The following SLCO6A1 variants were observed in gnomAD, a reference collection of about 807,000 sequenced individuals.
SLCO6A1 encodes solute carrier organic anion transporter family member 6A1, also known as cancer/testis antigen 48.
Under a neutral mutation model 72.7 loss-of-function variants are expected in SLCO6A1, and 65 were observed. That is an observed-to-expected ratio of 0.89 (90% CI 0.73 to 1.10). The LOEUF is 1.10. Ranked by LOEUF, SLCO6A1 falls within the 50% of genes least tolerant of loss-of-function variation. SLCO6A1 has a pLI of 0.00. For synonymous variants in SLCO6A1, 314 were observed against 298.2 expected (o/e 1.05, Z -0.55); for missense variants, 874 against 872.6 (o/e 1.00, Z -0.02).
rs552954781 is a variant in SLCO6A1, at chr5:102,425,963, T to C, written c.1277-5942A>G. Among the ~76,000 whole-genome samples the C allele has an allele frequency of 2.1e-3, 317 of 151,164 alleles. 4 individuals are homozygous for C. The highest frequency in any genetic ancestry group is 1.6e-3 in the Non-Finnish European group (109 of 67,356). On this transcript the variant is annotated intron_variant, in intron 7 of 13. Coordinates refer to ENST00000506729, the MANE Select transcript of SLCO6A1 (RefSeq NM_173488.5). ...AGAACACAGCCCTCAGAAATAATGC[T>C]GTGTATCTACAACTATCTGATCTTT...
chr5:102,414,192 G>GT (rs1395615763), intron 8 of SLCO6A1, among the ~76,000 whole-genome samples: 1 of 151,984 alleles, frequency 6.6e-6, no homozygotes, highest in Non-Finnish European at 1.5e-5. Context: ...TATTTTTGGA[G>GT]TTTTATATTT....
chr5:102,414,697 C>T lies in SLCO6A1; in HGVS notation c.1473-1554G>A, dbSNP rs1370110525. On this transcript the variant is annotated intron_variant, in intron 8 of 13. Transcript: ENST00000506729. ...TTGTCTGAGCTCAGGAGTTTCCGAC[C>T]GGCCTGGGCAACACAGTGAAACCCC... is the stretch of plus-strand genomic sequence containing the variant. Among the ~76,000 whole-genome samples the T allele has an allele frequency of 7.9e-5, 12 of 152,136 alleles. 1 individual carries two copies. In the East Asian group the frequency reaches 1.2e-3, roughly 15 times the overall value.
intron 1 of SLCO6A1, among the ~76,000 whole-genome samples, chr5:102,491,490 G>C (rs1407505203): frequency 1.3e-5 from 2 of 152,206 alleles, no homozygotes; most frequent in Non-Finnish European, 2.9e-5. Flanking sequence ...CACGGAGGTG[G>C]GGGAGGCTCA....
At position 102,480,275 on chromosome 5, in the gene SLCO6A1, C is replaced by T; in HGVS notation, c.518G>A (p.Trp173Ter). Residue 173 changes from tryptophan to a stop codon, truncating the protein, a stop_gained, in exon 2 of 14, where the codon TGG becomes TAG. Transcript: ENST00000506729. LOFTEE classifies it high-confidence loss of function. ...AFYGDRKKVIWFVASSFLIGL... is the reference protein window; with the variant it reads ...AFYGDRKKVI ...TATTAAAAAGGAGGAAGCTACAAAC[C>T]ATATTACTTTTTTTCTGTCTCCATA... The T allele has an allele frequency of 6.2e-7, 1 of 1,613,246 alleles. No individual in the cohort carries two copies. The highest frequency in any genetic ancestry group is 1.3e-5 in the African/African-American group (1 of 74,982).
intron 12 of SLCO6A1, among the ~76,000 whole-genome samples, chr5:102,386,596 G>A (rs78967500): frequency 6.6e-6 from 1 of 152,040 alleles, no homozygotes; most frequent in African/African-American, 2.4e-5. Flanking sequence ...TATCAGCCTG[G>A]TGCCTCAGGC....
At chr5:102,375,020 CTG>C (rs1216806712) in intron 12 of SLCO6A1, among the ~76,000 whole-genome samples, 2 of 152,092 alleles carry the variant, frequency 1.3e-5, no homozygotes, top group East Asian at 3.9e-4. Flanking sequence ...AGCTTTTTCT[CTG>C]TGGTTATTTT....
intron 12 of SLCO6A1, among the ~76,000 whole-genome samples, chr5:102,382,494 A>AT (rs113699697): frequency 4.1e-4 from 60 of 147,974 alleles, no homozygotes; most frequent in Middle Eastern, 7.2e-3. Context: ...AAATTTTAGG[A>AT]TTTTTTTTTT....
chr5:102,402,591 C>T (rs553240994), intron 9 of SLCO6A1, among the ~76,000 whole-genome samples: 48 of 152,178 alleles, frequency 3.2e-4, no homozygotes, highest in African/African-American at 9.6e-4. Flanking sequence ...TAGTGAGGGC[C>T]TTTATGCTGC....
rs182381825 is a variant in SLCO6A1 at position 102,388,739 on chromosome 5, G to A, written c.1966C>T (p.Arg656Cys). ...RDVNKCGHTG[R>C]CWIYNKTKMA... ...TTTGTCTTGTTATATATCCAACAAC[G>A]TCCTGTGTGTCCACATTTATTAACA... Residue 656 changes from arginine (R) to cysteine (C), a missense_variant, in exon 12 of 14, where the codon CGT becomes TGT. Physicochemically the swap from Arg to Cys is radical, Grantham distance 180 (BLOSUM62 -3). Transcript: ENST00000506729. The A allele has an allele frequency of 2.6e-5, 41 of 1,604,648 alleles. No homozygotes were observed. The highest frequency in any genetic ancestry group is 1.7e-4 in the Middle Eastern group (1 of 6,034).
In SLCO6A1 at chr5:102,402,729, G is replaced by T. The variant is rs575140888; in HGVS notation, c.1627-2987C>A. On this transcript the variant is annotated intron_variant, in intron 9 of 13. Transcript: ENST00000506729. ...GCAATAATGACATTAATCTCTTGAT[G>T]AGGGCAAAGTCTTCACGGCTGAATC... is the stretch of plus-strand genomic sequence containing the variant. Among the ~76,000 whole-genome samples the T allele has an allele frequency of 1.3e-4, 20 of 152,206 alleles. No homozygotes were observed. The South Asian group carries it at 4.2e-3, about 32-fold the overall frequency.
chr5:102,464,986 T>C (rs1751238707), intron 4 of SLCO6A1, among the ~76,000 whole-genome samples: 1 of 152,100 alleles, frequency 6.6e-6, no homozygotes, highest in Admixed American at 6.6e-5. Flanking sequence ...AATCTGCTAG[T>C]GCCCTTTGCT....
Position 102,477,699 on chromosome 5 carries a change from G to T in SLCO6A1, c.779C>A (p.Thr260Lys). 1 of 1,613,118 alleles carries T rather than the reference G, an allele frequency of 6.2e-7. No homozygotes were observed. Among genetic ancestry groups the T allele is most frequent in the Non-Finnish European group, 8.5e-7 (1 of 1,179,570 alleles). Residue 260 changes from threonine to lysine, a missense_variant, in exon 3 of 14, where the codon ACA (threonine) becomes AAA (lysine). Physicochemically the swap from Thr to Lys is moderately conservative, Grantham distance 78. Coordinates refer to ENST00000506729, the MANE Select transcript of SLCO6A1 (RefSeq NM_173488.5). ...GCCTAAATAGATACCAGCTGAGTGTGTAGCAACATTCTCATCAATAAAGGT... is the reference window on the plus strand; with the variant it reads ...GCCTAAATAGATACCAGCTGAGTGTTTAGCAACATTCTCATCAATAAAGGT... ...GITFIDENVA[T>K]HSAGIYLGIA...
chr5:102,455,575 G>A (rs1321974524), intron 6 of SLCO6A1, among the ~76,000 whole-genome samples: 1 of 151,972 alleles, frequency 6.6e-6, no homozygotes, highest in East Asian at 1.9e-4. Flanking sequence ...TGATGCTTGT[G>A]GGACTATTTT....
chr5:102,409,249 A>G (rs1356499070), intron 9 of SLCO6A1, among the ~76,000 whole-genome samples: 1 of 152,182 alleles, frequency 6.6e-6, no homozygotes, highest in Non-Finnish European at 1.5e-5. Flanking sequence ...CGTTAGAGGT[A>G]TAGTATTTCC....
intron 12 of SLCO6A1, among the ~76,000 whole-genome samples, chr5:102,382,443 A>T (rs754559433): frequency 3.4e-4 from 51 of 151,704 alleles, no homozygotes; most frequent in Non-Finnish European, 5.9e-4. Flanking sequence ...CATTTTGCCA[A>T]AGATTGTATT....
At chr5:102,476,360 A>C (rs573599646) in intron 3 of SLCO6A1, among the ~76,000 whole-genome samples, 1 of 152,300 alleles carries the variant, frequency 6.6e-6, no homozygotes, top group African/African-American at 2.4e-5. Flanking sequence ...GCAGGCTGGA[A>C]ATTCAAGTAA....
chr5:102,417,269 G>A (rs1748334131), intron 8 of SLCO6A1, among the ~76,000 whole-genome samples: 1 of 150,694 alleles, frequency 6.6e-6, no homozygotes, highest in Admixed American at 6.6e-5. Context: ...ATATATAGTT[G>A]GGTCTTCTTT....
At chr5:102,472,788 C>T (rs953166402) in intron 4 of SLCO6A1, among the ~76,000 whole-genome samples, 15 of 151,786 alleles carry the variant, frequency 9.9e-5, no homozygotes, top group Admixed American at 9.2e-4. Flanking sequence ...CAGAAATGAG[C>T]GGAAGACTTT....
intron 7 of SLCO6A1, among the ~76,000 whole-genome samples, chr5:102,434,107 T>G (rs977787780): frequency 1.3e-5 from 2 of 151,998 alleles, no homozygotes; most frequent in African/African-American, 4.8e-5. Context: ...ACTAATATAT[T>G]TATTGGGTGA....
Sources: allele counts gnomAD v4.1 joint callset (sites outside exome capture counted in the v4.1 genomes callset), GRCh38; gene constraint gnomAD v4.1.1; transcripts MANE v1.5; gene names NCBI Gene and HGNC (gene_info 2026-07-23, HGNC 2026-07-21).